PREX1: variants seen among roughly 807,000 people sequenced by gnomAD.
PREX1 encodes the protein phosphatidylinositol 3,4,5-trisphosphate-dependent Rac exchanger 1 protein.
In PREX1, 41 loss-of-function variants were observed where a neutral mutation model predicts 198.3. That is an observed-to-expected ratio of 0.21 (90% CI 0.16 to 0.27). The LOEUF is 0.27. PREX1 is among the 10% of genes least tolerant of loss of function. The pLI, the probability that PREX1 is intolerant of heterozygous loss-of-function variation, is 1.00. For synonymous variants in PREX1, 843 were observed against 887.2 expected, an observed-to-expected ratio of 0.95 and a Z score of 0.89; for missense variants, 1,620 against 2,200.7, an observed-to-expected ratio of 0.74 and a Z score of 5.28.
chr20:48,850,636 C>T, the PREX1 span, among the ~76,000 whole-genome samples: 1 of 151,904 alleles, frequency 6.6e-6, no homozygotes, highest in Non-Finnish European at 1.5e-5. Context: ...GGATAAGAAG[C>T]TCTGAGCAGG....
chr20:48,638,270 A>C (rs959912469), intron 30 of PREX1, among the ~76,000 whole-genome samples: 2 of 152,060 alleles, frequency 1.3e-5, no homozygotes, highest in South Asian at 2.1e-4. Flanking sequence ...TCATCTGCAG[A>C]CTCACATACA....
intron 33 of PREX1, among the ~76,000 whole-genome samples, chr20:48,634,073 T>C (rs1338265256): frequency 6.5e-4 from 70 of 108,062 alleles, no homozygotes; most frequent in Middle Eastern, 0.012. Flanking sequence ...GTGGGATGGA[T>C]GGATGGATGG....
At chr20:48,646,907 T>C (rs2089455671) in intron 25 of PREX1, among the ~76,000 whole-genome samples, 1 of 152,188 alleles carries the variant, frequency 6.6e-6, no homozygotes, top group South Asian at 2.1e-4. Context: ...ATCATATCAG[T>C]ATCTATATCT....
At chr20:48,659,839 C>T (rs1306817862) in intron 16 of PREX1, 80 bp downstream of exon 16, 2 of 1,590,542 alleles carry the variant, frequency 1.3e-6, no homozygotes, top group Non-Finnish European at 8.6e-7. Flanking sequence ...CTTCCCTGTG[C>T]ATAACCAGAA....
At chr20:48,682,773 G>C (rs539590546) in intron 10 of PREX1, among the ~76,000 whole-genome samples, 1 of 152,186 alleles carries the variant, frequency 6.6e-6, no homozygotes, top group African/African-American at 2.4e-5. Context: ...AACTCAGCAG[G>C]AAAAGGGAGA....
chr20:48,706,198 C>T (rs117079331), intron 6 of PREX1, among the ~76,000 whole-genome samples: 1,580 of 152,256 alleles, frequency 0.01, 12 homozygotes, highest in Middle Eastern at 0.017. Flanking sequence ...TAGGCCCTTA[C>T]CAGAAAAAAG....
intron 14 of PREX1, among the ~76,000 whole-genome samples, chr20:48,675,804 C>T (rs766365108): frequency 2.0e-5 from 3 of 152,028 alleles, no homozygotes; most frequent in South Asian, 2.1e-4. Flanking sequence ...TTTGGGAGGC[C>T]GAGGCGGGCA....
chr20:48,720,249 C>G (rs1365734611), intron 5 of PREX1, among the ~76,000 whole-genome samples: 1 of 152,200 alleles, frequency 6.6e-6, no homozygotes, highest in East Asian at 1.9e-4. Context: ...TACTGATCTT[C>G]TGAACCTGAT....
At chr20:48,652,941 A>C (rs528564905) in intron 20 of PREX1, among the ~76,000 whole-genome samples, 2 of 152,258 alleles carry the variant, frequency 1.3e-5, no homozygotes, top group Admixed American at 1.3e-4. Flanking sequence ...GGGTCTACAA[A>C]CATGCCTGGT....
At chr20:48,768,344 A>G (rs1341199817) in intron 1 of PREX1, among the ~76,000 whole-genome samples, 1 of 152,238 alleles carries the variant, frequency 6.6e-6, no homozygotes, top group Non-Finnish European at 1.5e-5. Flanking sequence ...TCAGTAATCA[A>G]AAGAAAATTG....
chr20:48,820,338 T>C (rs1332480150), intron 1 of PREX1, among the ~76,000 whole-genome samples: 1 of 152,144 alleles, frequency 6.6e-6, no homozygotes, highest in East Asian at 1.9e-4. Flanking sequence ...GTCATCCCCA[T>C]TTTGCAGATG....
chr20:48,860,747 G>C, the PREX1 span, among the ~76,000 whole-genome samples: 1 of 151,376 alleles, frequency 6.6e-6, no homozygotes, highest in African/African-American at 2.4e-5. Context: ...AAGCAGGAGA[G>C]TCGCTTGAAC....
At chr20:48,710,757 C>T (rs373533891) in intron 5 of PREX1, among the ~76,000 whole-genome samples, 6 of 152,342 alleles carry the variant, frequency 3.9e-5, no homozygotes, top group African/African-American at 9.6e-5. Flanking sequence ...GGCTTGCGAG[C>T]GAAGCTTGAA....
chr20:48,817,632 C>A (rs944567142), intron 1 of PREX1, among the ~76,000 whole-genome samples: 3 of 152,276 alleles, frequency 2.0e-5, no homozygotes, highest in African/African-American at 7.2e-5. Context: ...GGCACTTGAG[C>A]ACAATGCCAC....
chr20:48,815,571 A>C (rs1222213425), intron 1 of PREX1, among the ~76,000 whole-genome samples: 4 of 152,232 alleles, frequency 2.6e-5, no homozygotes, highest in African/African-American at 4.8e-5. Flanking sequence ...CATCTGGCGT[A>C]AATGTCCCCT....
chr20:48,711,224 G>A (rs148746033), intron 5 of PREX1, among the ~76,000 whole-genome samples: 1 of 152,240 alleles, frequency 6.6e-6, no homozygotes, highest in Non-Finnish European at 1.5e-5. Flanking sequence ...AGTGTACCTG[G>A]CCCCATGTTG....
intron 35 of PREX1, among the ~76,000 whole-genome samples, chr20:48,631,983 A>G (rs1010913566): frequency 1.3e-5 from 2 of 152,164 alleles, no homozygotes; most frequent in Admixed American, 1.3e-4. Flanking sequence ...GGAAAGACCC[A>G]CTTTGAAACC....
intron 1 of PREX1, among the ~76,000 whole-genome samples, chr20:48,821,079 G>A (rs2090482335): frequency 6.6e-6 from 1 of 152,208 alleles, no homozygotes; most frequent in Non-Finnish European, 1.5e-5. Context: ...GCACGTGCCT[G>A]TAGTCCCAGC....
intron 26 of PREX1, among the ~76,000 whole-genome samples, 196 bp downstream of exon 26, chr20:48,645,655 C>A (rs2089445184): frequency 6.6e-6 from 1 of 152,148 alleles, no homozygotes; most frequent in Admixed American, 6.5e-5. Flanking sequence ...GTCAGCTTTG[C>A]AACTGGGGAG....
Sources: allele counts gnomAD v4.1 joint callset (sites outside exome capture counted in the v4.1 genomes callset), GRCh38; gene constraint gnomAD v4.1.1; transcripts MANE v1.5; gene names NCBI Gene and HGNC (gene_info 2026-07-23, HGNC 2026-07-21).